NKAIN3: variants seen among roughly 807,000 people sequenced by gnomAD.
The protein encoded by NKAIN3 is sodium/potassium transporting ATPase interacting 3.
In NKAIN3, 25 loss-of-function variants were observed where a neutral mutation model predicts 30.2. The ratio of observed to expected loss-of-function variants is 0.83; its 90% CI spans 0.60 to 1.16. The LOEUF is 1.16. NKAIN3 is among the 50% of genes most tolerant of loss of function. NKAIN3 has a pLI of 0.00. For synonymous variants in NKAIN3, 91 were observed against 89.6 expected (o/e 1.02, Z -0.09); for missense variants, 225 against 254.1 (o/e 0.89, Z 0.78).
At chr8:62,512,172 T>C (rs994596086) in intron 1 of NKAIN3, among the ~76,000 whole-genome samples, 1 of 152,176 alleles carries the variant, frequency 6.6e-6, no homozygotes, top group Non-Finnish European at 1.5e-5. Flanking sequence ...TGAAGAGTTT[T>C]TATCTATGAA....
rs142086197 is a variant in NKAIN3, at chr8:62,304,062, T to A, written c.54+54935T>A. On this transcript the variant is annotated intron_variant, in intron 1 of 6. Coordinates refer to ENST00000623646, the MANE Select transcript of NKAIN3 (RefSeq NM_001304533.3). Reference sequence around the variant, plus strand: ...GCCACAAGATCAGGGGTAAACCTGTTTTTATATTTAAATTGAAATAAGATG... The same window carrying A: ...GCCACAAGATCAGGGGTAAACCTGTATTTATATTTAAATTGAAATAAGATG... Among the ~76,000 whole-genome samples, 26 of 150,576 alleles carry A rather than the reference T, an allele frequency of 1.7e-4. 1 individual carries two copies. The East Asian group carries it at 4.8e-3, about 28-fold the overall frequency.
chr8:62,888,438 C>T (rs183298393), intron 4 of NKAIN3, among the ~76,000 whole-genome samples: 211 of 152,254 alleles, frequency 1.4e-3, no homozygotes, highest in African/African-American at 4.9e-3. Context: ...CCACTGTAAG[C>T]CTCCAACAAT....
At chr8:62,849,037 T>G (rs977098430) in intron 4 of NKAIN3, among the ~76,000 whole-genome samples, 3 of 152,126 alleles carry the variant, frequency 2.0e-5, no homozygotes, top group African/African-American at 7.2e-5. Flanking sequence ...GGATAAGCTT[T>G]TTGATGTGCT....
At chr8:62,551,518 T>G (rs549379654) in intron 1 of NKAIN3, among the ~76,000 whole-genome samples, 1 of 152,294 alleles carries the variant, frequency 6.6e-6, no homozygotes, top group Admixed American at 6.5e-5. Context: ...GAAATTGATA[T>G]TGTATTGTTT....
chr8:62,420,060 G>A (rs1804585350), intron 1 of NKAIN3, among the ~76,000 whole-genome samples: 1 of 152,122 alleles, frequency 6.6e-6, no homozygotes, highest in Non-Finnish European at 1.5e-5. Flanking sequence ...GTTTTAGGAG[G>A]GGAGCTGTCA....
intron 4 of NKAIN3, among the ~76,000 whole-genome samples, chr8:62,773,320 TC>T (rs1012044189): frequency 1.3e-4 from 20 of 152,314 alleles, no homozygotes; most frequent in African/African-American, 4.6e-4. Flanking sequence ...ATCTGTCCTT[TC>T]CCCAATTTAT....
intron 1 of NKAIN3, among the ~76,000 whole-genome samples, chr8:62,426,563 G>A (rs1214263736): frequency 2.0e-5 from 3 of 151,940 alleles, no homozygotes; most frequent in Non-Finnish European, 4.4e-5. Context: ...TTTCCTTGCA[G>A]TGCAGAATTT....
At chr8:62,446,851 A>G (rs1805501266) in intron 1 of NKAIN3, among the ~76,000 whole-genome samples, 1 of 152,096 alleles carries the variant, frequency 6.6e-6, no homozygotes, top group African/African-American at 2.4e-5. Context: ...TTGGTAATCC[A>G]TTCACATGTT....
At chr8:62,891,327 A>T (rs893945280) in intron 4 of NKAIN3, among the ~76,000 whole-genome samples, 2 of 152,192 alleles carry the variant, frequency 1.3e-5, no homozygotes, top group African/African-American at 4.8e-5. Flanking sequence ...CAAGTTCTTC[A>T]GCTTTTGGAC....
chr8:62,801,081 C>T (rs1818044986), intron 4 of NKAIN3, among the ~76,000 whole-genome samples: 1 of 152,212 alleles, frequency 6.6e-6, no homozygotes, highest in South Asian at 2.1e-4. Flanking sequence ...CCCACCATTG[C>T]CCAGGCTTGC....
chr8:62,729,474 A>C (rs1488893336), intron 3 of NKAIN3, among the ~76,000 whole-genome samples: 1 of 152,134 alleles, frequency 6.6e-6, no homozygotes, highest in Non-Finnish European at 1.5e-5. Flanking sequence ...TTTCTTAAAA[A>C]ACTAAACGTA....
intron 1 of NKAIN3, among the ~76,000 whole-genome samples, chr8:62,490,082 A>G (rs924677958): frequency 6.6e-6 from 1 of 152,256 alleles, no homozygotes; most frequent in Non-Finnish European, 1.5e-5. Flanking sequence ...AGTAATCATA[A>G]CTATGATAGT....
At position 62,255,831 on chromosome 8, in the gene NKAIN3, G is replaced by A. The variant is rs540172888; in HGVS notation, c.54+6704G>A. 9.9e-5 allele frequency among the ~76,000 whole-genome samples: 15 copies of A among 152,204 alleles called. No homozygotes were observed. The East Asian group carries it at 2.3e-3, about 24-fold the overall frequency. On this transcript the variant is annotated intron_variant, in intron 1 of 6. Coordinates refer to ENST00000623646, the MANE Select transcript of NKAIN3 (RefSeq NM_001304533.3). The stretch of plus-strand genomic sequence containing the variant: ...TGGATCAGCAGTATCAGAATCACCC[G>A]GGGGAGCTTCTGAACAACAGTGGCT...
chr8:62,456,436 G>A (rs896316628), intron 1 of NKAIN3, among the ~76,000 whole-genome samples: 7 of 151,850 alleles, frequency 4.6e-5, no homozygotes, highest in African/African-American at 1.7e-4. Flanking sequence ...GGAGAATGGC[G>A]TGAACCTGTG....
intron 4 of NKAIN3, among the ~76,000 whole-genome samples, chr8:62,801,661 G>A (rs905602510): frequency 6.6e-6 from 1 of 152,180 alleles, no homozygotes; most frequent in Non-Finnish European, 1.5e-5. Flanking sequence ...AAACCACAAA[G>A]ATGGGGAAAA....
At chr8:62,808,714 A>G (rs1818385894) in intron 4 of NKAIN3, among the ~76,000 whole-genome samples, 1 of 152,142 alleles carries the variant, frequency 6.6e-6, no homozygotes, top group Admixed American at 6.6e-5. Flanking sequence ...ATGCTTCACA[A>G]GGCAATAAAA....
intron 1 of NKAIN3, among the ~76,000 whole-genome samples, chr8:62,336,175 C>T (rs1341411441): frequency 6.6e-6 from 1 of 152,006 alleles, no homozygotes; most frequent in Non-Finnish European, 1.5e-5. Flanking sequence ...GAATGAGAAA[C>T]AATTTTACCT....
At chr8:62,535,489 C>T (rs1808629690) in intron 1 of NKAIN3, among the ~76,000 whole-genome samples, 1 of 152,084 alleles carries the variant, frequency 6.6e-6, no homozygotes, top group Non-Finnish European at 1.5e-5. Flanking sequence ...GTTTGAGCCT[C>T]CAGAACTTCT....
chr8:62,451,358 A>G (rs1805636359), intron 1 of NKAIN3, among the ~76,000 whole-genome samples: 1 of 131,250 alleles, frequency 7.6e-6, no homozygotes, highest in Non-Finnish European at 1.5e-5. Flanking sequence ...TCTTCTCTTC[A>G]TCGAATCACC....
Sources: gnomAD v4.1 joint callset for allele counts (sites outside exome capture counted in the v4.1 genomes callset) on GRCh38, gnomAD v4.1.1 for gene constraint, MANE v1.5 for transcripts, NCBI Gene and HGNC (gene_info 2026-07-23, HGNC 2026-07-21) for gene names.